PPP1R16A: variants seen among roughly 807,000 people sequenced by gnomAD.
The protein encoded by PPP1R16A is protein phosphatase 1 regulatory subunit 16A, also known as myosin phosphatase-targeting subunit 3.
Under a neutral mutation model 46.6 loss-of-function variants are expected in PPP1R16A, and 39 were observed. The observed-to-expected ratio is 0.84, with a 90% CI of 0.65 to 1.09. The LOEUF (loss-of-function observed/expected upper bound fraction) is 1.09. Ranked by LOEUF, PPP1R16A falls within the 50% of genes least tolerant of loss-of-function variation. The pLI is 0.00. For missense variants in PPP1R16A, 798 were observed against 735.6 expected (o/e 1.08, Z -0.98); for synonymous variants, 413 against 321.5 (o/e 1.28, Z -3.04).
Position 144,501,690 on chromosome 8 carries a change from C to A in PPP1R16A, c.1374C>A (p.Asp458Glu). ...VHDKAHHTLA[D>E]LKRQRAAAKL... ...ACAAGGCCCACCACACCCTGGCTGACCTGAAGCGCCAGCGAGCTGCTGCCA... is the reference window on the plus strand; with the variant it reads ...ACAAGGCCCACCACACCCTGGCTGAACTGAAGCGCCAGCGAGCTGCTGCCA... Residue 458 changes from aspartate (D) to glutamate (E), a missense_variant, in exon 12 of 12, where the codon GAC becomes GAA. Physicochemically the swap from Asp to Glu is conservative, Grantham distance 45 (BLOSUM62 2). Coordinates refer to ENST00000435887, the MANE Select transcript of PPP1R16A (RefSeq NM_001329443.2). 1 of 1,606,146 alleles carries A rather than the reference C, an allele frequency of 6.2e-7. No homozygotes were observed. Among genetic ancestry groups the A allele is most frequent in the Non-Finnish European group, 8.5e-7 (1 of 1,177,156 alleles).
chr8:144,501,119 T>C lies in PPP1R16A; in HGVS notation c.1038-10T>C, dbSNP rs1474864595. On this transcript the variant is annotated splice_polypyrimidine_tract_variant and intron_variant, in intron 10 of 11. Transcript: ENST00000435887. The stretch of plus-strand genomic sequence containing the variant: ...CCTTCCCCTCACTCCCTCTCCTCTC[T>C]CCTCCCCAGGAAGGTGGTGAGGCGG... 1.2e-6 allele frequency: 2 copies of C among 1,609,956 alleles called. No homozygotes were observed. Among genetic ancestry groups the C allele is most frequent in the Non-Finnish European group, 1.7e-6 (2 of 1,179,456 alleles).
At position 144,497,044 on chromosome 8, in the gene PPP1R16A, C is replaced by T. The variant is rs1826105396; in HGVS notation, c.-151C>T. 2.8e-6 allele frequency: 3 copies of T among 1,059,096 alleles called. No homozygotes were observed. The highest frequency in any genetic ancestry group is 3.0e-5 in the South Asian group (2 of 66,310). The allele number at this position is 1,059,096 out of a possible 1,614,324, so 65.6% of individuals were successfully genotyped here. On this transcript the variant is annotated 5_prime_UTR_variant, in exon 3 of 12. Transcript: ENST00000435887. The stretch of plus-strand genomic sequence containing the variant: ...CCTGGGCCTGGTTATTGTGTGGGGC[C>T]TCCTGACCCAGCCAAGGGCACGAAG...
chr8:144,491,476 G>T (rs530746356), intron 2 of PPP1R16A, among the ~76,000 whole-genome samples: 3 of 151,834 alleles, frequency 2.0e-5, no homozygotes, highest in African/African-American at 7.2e-5. Flanking sequence ...AAATTAGCTG[G>T]GTGTAGGCCG....
intron 1 of PPP1R16A, among the ~76,000 whole-genome samples, chr8:144,483,844 C>T (rs1310138188): frequency 2.0e-5 from 3 of 152,148 alleles, no homozygotes; most frequent in Non-Finnish European, 4.4e-5. Context: ...GGATTATAGG[C>T]GTGAGCCACC....
chr8:144,485,792 C>G (rs1306536221), intron 1 of PPP1R16A, among the ~76,000 whole-genome samples: 2 of 152,220 alleles, frequency 1.3e-5, no homozygotes, highest in African/African-American at 4.8e-5. Context: ...AGATGCAGCA[C>G]AGCCACCATA....
Position 144,496,991 on chromosome 8 carries a change from C to G in PPP1R16A, c.-204C>G. ...GGGGTGCCCTCCCACACTGCCCTCCCTGCCCCGGCCCATGCCCCCCAGGGC... is the reference window on the plus strand; with the variant it reads ...GGGGTGCCCTCCCACACTGCCCTCCGTGCCCCGGCCCATGCCCCCCAGGGC... On this transcript the variant is annotated 5_prime_UTR_variant, in exon 3 of 12. Transcript: ENST00000435887. 1.5e-6 allele frequency: 1 copy of G among 669,388 alleles called. No homozygotes were observed. Among genetic ancestry groups the G allele is most frequent in the Admixed American group, 2.9e-5 (1 of 34,318 alleles). 41.5% of individuals were successfully genotyped at this position (669,388 alleles called of 1,614,324 possible). A position where few individuals can be genotyped will look rare whatever the true frequency, so the allele number is the denominator to read the frequency against.
rs1412631235 is a variant in PPP1R16A, at chr8:144,501,211, C to T, written c.1120C>T (p.Gln374Ter). Residue 374 changes from glutamine (Q) to a stop codon, truncating the protein, a stop_gained, in exon 11 of 12, where the codon CAG becomes TAG. Coordinates refer to ENST00000435887, the MANE Select transcript of PPP1R16A (RefSeq NM_001329443.2). LOFTEE classifies it high-confidence loss of function. ...CGCCCAGGAGGCCATCGTGTGGCAA[C>T]AGCCGCCGCCCACCAGCCCGGAGCC... ...QHAQEAIVWQ[Q>*]PPPTSPEPPE... 6.2e-7 allele frequency: 1 copy of T among 1,608,584 alleles called. No individual in the cohort carries two copies. Among genetic ancestry groups the T allele is most frequent in the South Asian group, 1.1e-5 (1 of 91,006 alleles).
At chr8:144,500,811 G>C in intron 9 of PPP1R16A, 31 bp from the exon 10 acceptor site, 1 of 1,597,382 alleles carries the variant, frequency 6.3e-7, no homozygotes, top group South Asian at 1.1e-5. Context: ...AGGCGGGGAG[G>C]GCGCCCCTGA....
At chr8:144,480,947 GGCAC>G in intron 1 of PPP1R16A, among the ~76,000 whole-genome samples, 1 of 150,810 alleles carries the variant, frequency 6.6e-6, no homozygotes, top group Non-Finnish European at 1.5e-5. Context: ...GGAGTGCAGT[GGCAC>G]GATCTTGGCT....
At chr8:144,498,424 G>A (rs1826207534) in intron 3 of PPP1R16A, 1 of 360,508 alleles carries the variant, frequency 2.8e-6, no homozygotes, top group Non-Finnish European at 5.3e-6. Flanking sequence ...AGAGCCGAAG[G>A]AGCTGTGGTA....
chr8:144,480,035 G>A (rs985709762), intron 1 of PPP1R16A, among the ~76,000 whole-genome samples: 1 of 152,222 alleles, frequency 6.6e-6, no homozygotes, highest in Non-Finnish European at 1.5e-5. Context: ...TAACTGGCAT[G>A]TCAAGAATTA....
At position 144,500,215 on chromosome 8, in the gene PPP1R16A, C is replaced by CGGCTGTGGGAGGGCTGCG; in HGVS notation, c.580+33_580+34insGGGCTGTGGGAGGGCTGC. The CGGCTGTGGGAGGGCTGCG allele has an allele frequency of 6.3e-7, 1 of 1,594,954 alleles. No homozygotes were observed. Among genetic ancestry groups the CGGCTGTGGGAGGGCTGCG allele is most frequent in the South Asian group, 1.1e-5 (1 of 88,526 alleles). ...GCCGACCGTGGTAGGTGCGGCGGTG[C>CGGCTGTGGGAGGGCTGCG]GGCTGTGGGAGGGCTGCCGGTCGCG... On this transcript the variant is annotated intron_variant, in intron 6 of 11. Coordinates refer to ENST00000435887, the MANE Select transcript of PPP1R16A (RefSeq NM_001329443.2).
At position 144,499,632 on chromosome 8, in the gene PPP1R16A, G is replaced by A. The variant is rs538008463; in HGVS notation, c.477-464G>A. The A allele has an allele frequency of 5.8e-5, 11 of 190,450 alleles. No individual in the cohort carries two copies. The South Asian group carries it at 8.5e-4, about 15-fold the overall frequency. The allele number at this position is 190,450 out of a possible 1,614,324, so 11.8% of individuals were successfully genotyped here. A position where few individuals can be genotyped will look rare whatever the true frequency, so the allele number is the denominator to read the frequency against. ...ACACAGGCGCTGCGGGGCAGGCGGG[G>A]ATGTGGGGTGTCCACAGGTAGGCCT... On this transcript the variant is annotated intron_variant, in intron 5 of 11. Transcript: ENST00000435887.
At position 144,499,347 on chromosome 8, in the gene PPP1R16A, G is replaced by GAGGAGGGCAGAACTGCTA. The variant is rs551740479; in HGVS notation, c.476+294_476+311dup. ...TGCACAGAGAAATGTCTTGGTCAGT[G>GAGGAGGGCAGAACTGCTA]AGGAGGGCAGAACTGCTAAGGAGGG... On this transcript the variant is annotated intron_variant, in intron 5 of 11. Coordinates refer to ENST00000435887, the MANE Select transcript of PPP1R16A (RefSeq NM_001329443.2). The GAGGAGGGCAGAACTGCTA allele has an allele frequency of 9.2e-4, 432 of 469,198 alleles. 6 individuals carry two copies. In the East Asian group the frequency reaches 0.013, roughly 14 times the overall value. 29.1% of individuals were successfully genotyped at this position (469,198 alleles called of 1,614,324 possible).
In PPP1R16A at chr8:144,500,772, G is replaced by A. The variant is rs1245118565; in HGVS notation, c.907+11G>A. ...ACGAGACGCCCCTTGGTGAGCTTGC[G>A]GGGCCCACCTCCACCTGGGGGAGAG... On this transcript the variant is annotated intron_variant, in intron 9 of 11. Transcript: ENST00000435887. 55 of 1,610,198 alleles carry A rather than the reference G, an allele frequency of 3.4e-5. No individual in the cohort carries two copies. The highest frequency in any genetic ancestry group is 4.3e-5 in the Non-Finnish European group (51 of 1,179,100).
Position 144,493,114 on chromosome 8 carries a change from C to T in PPP1R16A, c.-735+2902C>T, listed in dbSNP as rs905177317. On this transcript the variant is annotated intron_variant, in intron 2 of 11. Transcript: ENST00000435887. The surrounding 1 kb of genome is among the most constrained non-coding windows in gnomAD (Gnocchi z 4.3). ...CTCCTGGGAGCTTGGGCTGGGCCTCCCTTCCTGAATCCACATGGCCCAGCG... is the reference window on the plus strand; with the variant it reads ...CTCCTGGGAGCTTGGGCTGGGCCTCTCTTCCTGAATCCACATGGCCCAGCG... Among the ~76,000 whole-genome samples the T allele has an allele frequency of 6.6e-6, 1 of 152,104 alleles. No homozygotes were observed. Among genetic ancestry groups the T allele is most frequent in the African/African-American group, 2.4e-5 (1 of 41,420 alleles).
In PPP1R16A at chr8:144,478,061, G is replaced by A. The variant is rs1825247187; in HGVS notation, c.-980G>A. On this transcript the variant is annotated 5_prime_UTR_variant, in exon 1 of 12. Coordinates refer to ENST00000435887, the MANE Select transcript of PPP1R16A (RefSeq NM_001329443.2). ...GCCCGCCCCCGCAGCGCCTCAGGGA[G>A]CGCGGGGCCCACTGACCCGCGGAAG... is the stretch of plus-strand genomic sequence containing the variant. The A allele has an allele frequency of 1.3e-5, 5 of 395,576 alleles. No individual in the cohort carries two copies. The highest frequency in any genetic ancestry group is 2.2e-5 in the Non-Finnish European group (5 of 223,990). The allele number at this position is 395,576 out of a possible 1,614,324, so 24.5% of individuals were successfully genotyped here.
In PPP1R16A at chr8:144,493,886, T is replaced by G. The variant is rs1470188344; in HGVS notation, c.-734-2575T>G. Among the ~76,000 whole-genome samples the G allele has an allele frequency of 6.6e-6, 1 of 151,308 alleles. No homozygotes were observed. Among genetic ancestry groups the G allele is most frequent in the Non-Finnish European group, 1.5e-5 (1 of 67,742 alleles). On this transcript the variant is annotated intron_variant, in intron 2 of 11. Coordinates refer to ENST00000435887, the MANE Select transcript of PPP1R16A (RefSeq NM_001329443.2). This position sits in a 1 kb window ranked among gnomAD's most constrained non-coding sequence, Gnocchi z 4.3. ...CAAGTGCCCTGTGAGCCGTGCTGGGTGGGGTGGGGGAGGTAGAGCCTCCCC... is the reference window on the plus strand; with the variant it reads ...CAAGTGCCCTGTGAGCCGTGCTGGGGGGGGTGGGGGAGGTAGAGCCTCCCC...
intron 3 of PPP1R16A, chr8:144,498,035 T>TG (rs1564767675): frequency 2.2e-6 from 1 of 456,084 alleles, no homozygotes; most frequent in East Asian, 7.0e-5. Flanking sequence ...CTCTGGAGTC[T>TG]TGGGGGAAGA....
Sources: gnomAD v4.1 joint callset for allele counts (sites outside exome capture counted in the v4.1 genomes callset) on GRCh38, gnomAD v4.1.1 for gene constraint, Gnocchi (gnomAD v3.1) non-coding constraint, MANE v1.5 for transcripts, NCBI Gene and HGNC (gene_info 2026-07-23, HGNC 2026-07-21) for gene names.